Variants in ATP9B observed in about 807,000 individuals in gnomAD.
ATP9B encodes the protein probable phospholipid-transporting ATPase IIB.
In ATP9B, 110 loss-of-function variants were observed where a neutral mutation model predicts 146.1. The ratio of observed to expected loss-of-function variants is 0.75; its 90% CI spans 0.65 to 0.88. ATP9B has a LOEUF of 0.88. Among genes scored for constraint, ATP9B ranks in the 40% least tolerant of loss-of-function variants. The pLI is 0.00. For missense variants in ATP9B, 1,499 were observed against 1,496.4 expected, an observed-to-expected ratio of 1.00 and a Z score of -0.03; for synonymous variants, 604 against 569.7, an observed-to-expected ratio of 1.06 and a Z score of -0.86.
At chr18:79,371,256 C>T (rs2097067903) in intron 26 of ATP9B, among the ~76,000 whole-genome samples, 1 of 151,862 alleles carries the variant, frequency 6.6e-6, no homozygotes, top group South Asian at 2.1e-4. Context: ...CCTATAGTCC[C>T]AGCTACTTGG....
intron 12 of ATP9B, among the ~76,000 whole-genome samples, chr18:79,258,046 G>A (rs1013666735): frequency 1.3e-5 from 2 of 152,092 alleles, no homozygotes; most frequent in South Asian, 2.1e-4. Flanking sequence ...AGAAAGATTT[G>A]ACCTTTTACC....
chr18:79,131,150 G>A (rs990906804), intron 5 of ATP9B, among the ~76,000 whole-genome samples: 1 of 151,842 alleles, frequency 6.6e-6, no homozygotes, highest in African/African-American at 2.4e-5. Flanking sequence ...GAAAGAGCAA[G>A]ACTCCGTCTC....
At chr18:79,096,811 A>C (rs2074821130) in intron 2 of ATP9B, among the ~76,000 whole-genome samples, 162 bp downstream of exon 2, 1 of 152,204 alleles carries the variant, frequency 6.6e-6, no homozygotes, top group Admixed American at 6.5e-5. Flanking sequence ...AAACAATGCT[A>C]ATATGAAAGG....
intron 9 of ATP9B, among the ~76,000 whole-genome samples, chr18:79,196,249 A>G (rs1235450180): frequency 6.6e-6 from 1 of 152,216 alleles, no homozygotes; most frequent in Non-Finnish European, 1.5e-5. Flanking sequence ...TCAAGCATAC[A>G]GAGTTCAGGT....
intron 17 of ATP9B, among the ~76,000 whole-genome samples, chr18:79,334,190 T>C (rs2096807283): frequency 6.6e-6 from 1 of 151,968 alleles, no homozygotes; most frequent in Non-Finnish European, 1.5e-5. Context: ...ACCCCGTCTC[T>C]ACTAAAAATA....
chr18:79,313,857 C>T (rs959836462), intron 15 of ATP9B, among the ~76,000 whole-genome samples: 7 of 152,096 alleles, frequency 4.6e-5, no homozygotes, highest in African/African-American at 1.2e-4. Flanking sequence ...ATCCCTAAAA[C>T]GTATTTTAAA....
chr18:79,071,398 C>CTTTTTTTTTTTTTTTTTTTTTTTTTTTT (rs747150962), intron 1 of ATP9B, among the ~76,000 whole-genome samples: 11 of 22,410 alleles, frequency 4.9e-4, no homozygotes, highest in Admixed American at 1.6e-3. Context: ...TATTGTTCTT[C>CTTTTTTTTTTTTTTTTTTTTTTTTTTTT]CTTTTTTTTT....
chr18:79,336,582 A>G (rs1275415304), intron 17 of ATP9B, 46 bp from the exon 18 acceptor site: 7 of 1,577,420 alleles, frequency 4.4e-6, no homozygotes, highest in Non-Finnish European at 5.2e-6. Flanking sequence ...ACACGGCCAC[A>G]GGGGCTCTGC....
chr18:79,232,941 T>A (rs1380220676), intron 11 of ATP9B, among the ~76,000 whole-genome samples: 1 of 150,424 alleles, frequency 6.6e-6, no homozygotes, highest in Non-Finnish European at 1.5e-5. Context: ...GCAAGAAGAG[T>A]CAAAATGGAA....
intron 9 of ATP9B, among the ~76,000 whole-genome samples, chr18:79,204,607 G>A (rs1207909983): frequency 6.6e-6 from 1 of 152,198 alleles, no homozygotes; most frequent in Admixed American, 6.5e-5. Context: ...CATGCAACAT[G>A]TTGTACTTGA....
chr18:79,249,957 G>T (rs2096006989), intron 11 of ATP9B, among the ~76,000 whole-genome samples: 1 of 152,208 alleles, frequency 6.6e-6, no homozygotes. Context: ...GCAAGGCACA[G>T]CCCATCCTTG....
intron 13 of ATP9B, among the ~76,000 whole-genome samples, chr18:79,300,993 A>G (rs1045375013): frequency 6.6e-6 from 1 of 152,240 alleles, no homozygotes; most frequent in Non-Finnish European, 1.5e-5. Flanking sequence ...TCTAAAGGAA[A>G]TACTTTGTTA....
At chr18:79,256,286 T>TATATACACACACAC (rs398033647) in intron 12 of ATP9B, among the ~76,000 whole-genome samples, 27 of 122,988 alleles carry the variant, frequency 2.2e-4, no homozygotes, top group South Asian at 4.8e-4. Flanking sequence ...TATATATATA[T>TATATACACACACAC]ACATACATAG....
chr18:79,253,316 T>G, intron 11 of ATP9B, 65 bp from the exon 12 acceptor site: 2 of 1,425,214 alleles, frequency 1.4e-6, no homozygotes, highest in Non-Finnish European at 1.9e-6. Flanking sequence ...CTACCATGCA[T>G]TCTGATTTAT....
At chr18:79,173,436 T>G (rs1258645779) in intron 7 of ATP9B, among the ~76,000 whole-genome samples, 1 of 151,760 alleles carries the variant, frequency 6.6e-6, no homozygotes, top group Admixed American at 6.6e-5. Flanking sequence ...GTGGTGGTTT[T>G]TTTTTTTTGT....
intron 7 of ATP9B, among the ~76,000 whole-genome samples, chr18:79,174,953 C>T (rs2095138562): frequency 6.6e-6 from 1 of 152,042 alleles, no homozygotes; most frequent in Admixed American, 6.6e-5. Context: ...GTAATCCCAG[C>T]ACTTTGGGAG....
At chr18:79,359,092 A>G (rs2096971312) in intron 25 of ATP9B, among the ~76,000 whole-genome samples, 1 of 152,136 alleles carries the variant, frequency 6.6e-6, no homozygotes, top group Admixed American at 6.5e-5. Flanking sequence ...TGAGTCTACA[A>G]TGATCTCAAC....
chr18:79,314,091 C>G (rs1354372853), intron 15 of ATP9B, among the ~76,000 whole-genome samples: 1 of 152,180 alleles, frequency 6.6e-6, no homozygotes, highest in African/African-American at 2.4e-5. Flanking sequence ...ATATTGCACC[C>G]TGGAGCTTTA....
chr18:79,211,508 G>T (rs1409039928), intron 10 of ATP9B, among the ~76,000 whole-genome samples: 1 of 152,182 alleles, frequency 6.6e-6, no homozygotes, highest in Non-Finnish European at 1.5e-5. Context: ...GGGGTCTGTG[G>T]AGTGTAGGAG....
Sources: gnomAD v4.1 joint callset for allele counts (sites outside exome capture counted in the v4.1 genomes callset) on GRCh38, gnomAD v4.1.1 for gene constraint, MANE v1.5 for transcripts, NCBI Gene and HGNC (gene_info 2026-07-23, HGNC 2026-07-21) for gene names.